TET3: variants seen among roughly 807,000 people sequenced by gnomAD.
The protein encoded by TET3 is methylcytosine dioxygenase TET3.
In TET3, 19 loss-of-function variants were observed where a neutral mutation model predicts 141.4. That is an observed-to-expected ratio of 0.13 (90% confidence interval 0.09 to 0.20). The LOEUF (loss-of-function observed/expected upper bound fraction) is 0.20, where lower values mean the gene tolerates loss of function less well. TET3 is among the 10% of genes least tolerant of loss of function. TET3 has a pLI of 1.00. For synonymous variants in TET3, 1,043 were observed against 980.9 expected, an observed-to-expected ratio of 1.06 and a Z score of -1.18; for missense variants, 1,874 against 2,356.9, an observed-to-expected ratio of 0.80 and a Z score of 4.24.
At chr2:74,095,791 C>T (rs1690790216) in intron 10 of TET3, among the ~76,000 whole-genome samples, 1 of 152,226 alleles carries the variant, frequency 6.6e-6, no homozygotes, top group Admixed American at 6.5e-5. Flanking sequence ...TTCTGTAAAC[C>T]ACAGGGAGAG....
Position 74,102,281 on chromosome 2 carries a change from T to G in TET3, c.*105T>G. On this transcript the variant is annotated 3_prime_UTR_variant, in exon 12 of 12. Transcript: ENST00000409262. ...CGGGTTGGGGGTGCAGAAGTCTTTT[T>G]ATCTCTATATACATATATAGATGCG... 1 of 1,349,250 alleles carries G rather than the reference T, an allele frequency of 7.4e-7. No homozygotes were observed. 83.6% of individuals were successfully genotyped at this position (1,349,250 alleles called of 1,614,324 possible).
At chr2:74,037,177 C>G (rs760164422) in intron 3 of TET3, among the ~76,000 whole-genome samples, 4 of 152,226 alleles carry the variant, frequency 2.6e-5, no homozygotes, top group Non-Finnish European at 5.9e-5. Flanking sequence ...TCTGCAAGAA[C>G]AGGCAGATGT....
At chr2:74,062,590 C>T (rs1374456524) in intron 4 of TET3, among the ~76,000 whole-genome samples, 1 of 152,100 alleles carries the variant, frequency 6.6e-6, no homozygotes, top group African/African-American at 2.4e-5. Flanking sequence ...GTACCGTTAG[C>T]ATTTTTAAAA....
chr2:74,013,876 T>G (rs746640785), intron 3 of TET3, among the ~76,000 whole-genome samples: 3 of 152,190 alleles, frequency 2.0e-5, no homozygotes, highest in Non-Finnish European at 4.4e-5. Flanking sequence ...CTTTCTGATC[T>G]CCCCTCTACT....
intron 4 of TET3, among the ~76,000 whole-genome samples, chr2:74,049,764 T>C (rs1205803049): frequency 6.6e-6 from 1 of 152,102 alleles, no homozygotes; most frequent in Non-Finnish European, 1.5e-5. Context: ...CCCTCCCCGA[T>C]CCTGGGGTAC....
chr2:73,994,559 C>A (rs1684484189), intron 2 of TET3, among the ~76,000 whole-genome samples: 1 of 151,688 alleles, frequency 6.6e-6, no homozygotes, highest in African/African-American at 2.4e-5. Flanking sequence ...GAGGGAGATT[C>A]ACATTTGGTG....
At position 74,087,624 on chromosome 2, in the gene TET3, C is replaced by A. The variant is rs560151884; in HGVS notation, c.2680-206C>A. Among the ~76,000 whole-genome samples, 1 of 152,246 alleles carries A rather than the reference C, an allele frequency of 6.6e-6. No individual in the cohort carries two copies. Among genetic ancestry groups the A allele is most frequent in the East Asian group, 1.9e-4 (1 of 5,194 alleles). ...TAACTTTTATGTTTTTGTTCCCTAA[C>A]AAAACATTTGTTCCTAATAATGTTC... On this transcript the variant is annotated intron_variant, in intron 6 of 11. Transcript: ENST00000409262. This position sits in a 1 kb window ranked among gnomAD's most constrained non-coding sequence, Gnocchi z 4.3.
chr2:74,028,766 T>C (rs576257285), intron 3 of TET3, among the ~76,000 whole-genome samples: 72 of 152,364 alleles, frequency 4.7e-4, no homozygotes, highest in African/African-American at 1.7e-3. Flanking sequence ...GGACTGATAA[T>C]TTTGTAAAAA....
chr2:73,989,794 G>T (rs754277283), intron 2 of TET3, among the ~76,000 whole-genome samples: 11 of 152,198 alleles, frequency 7.2e-5, no homozygotes, highest in Non-Finnish European at 2.9e-5. Context: ...GAAGATGACT[G>T]AGTAGAAAAG....
chr2:74,076,543 T>G (rs1158040740), intron 5 of TET3, among the ~76,000 whole-genome samples: 2 of 150,070 alleles, frequency 1.3e-5, no homozygotes, highest in African/African-American at 4.9e-5. Flanking sequence ...TAACAAGATA[T>G]TCCAGGCTTG....
chr2:74,036,615 C>T (rs1435305013), intron 3 of TET3, among the ~76,000 whole-genome samples: 3 of 152,152 alleles, frequency 2.0e-5, no homozygotes, highest in African/African-American at 7.2e-5. Flanking sequence ...AATTACTTGC[C>T]CTCTCTGTGT....
At chr2:74,024,353 T>C (rs940004353) in intron 3 of TET3, among the ~76,000 whole-genome samples, 2 of 152,238 alleles carry the variant, frequency 1.3e-5, no homozygotes, top group Non-Finnish European at 2.9e-5. Context: ...TGACAGGGGC[T>C]GTCTGTGCCC....
chr2:74,079,450 G>A (rs928953473), intron 5 of TET3, among the ~76,000 whole-genome samples: 13 of 152,206 alleles, frequency 8.5e-5, no homozygotes, highest in African/African-American at 3.1e-4. Flanking sequence ...ACCATTATCT[G>A]CAGGTGATAT....
At chr2:74,075,831 A>G (rs886765925) in intron 5 of TET3, among the ~76,000 whole-genome samples, 3 of 152,192 alleles carry the variant, frequency 2.0e-5, no homozygotes, top group Non-Finnish European at 2.9e-5. Context: ...TTCTGAGTCC[A>G]TGAGCATGAG....
At chr2:74,113,781 C>T in the TET3 span, among the ~76,000 whole-genome samples, 1 of 149,578 alleles carries the variant, frequency 6.7e-6, no homozygotes, top group Non-Finnish European at 1.5e-5. Flanking sequence ...AACTACAAAA[C>T]ACTGATGAAA....
At chr2:74,027,622 A>G (rs539108316) in intron 3 of TET3, among the ~76,000 whole-genome samples, 20 of 152,256 alleles carry the variant, frequency 1.3e-4, no homozygotes, top group African/African-American at 4.6e-4. Context: ...ATGTTATAGT[A>G]TATATCTTTA....
At chr2:73,999,827 T>C (rs1198784295) in intron 2 of TET3, among the ~76,000 whole-genome samples, 1 of 152,146 alleles carries the variant, frequency 6.6e-6, no homozygotes, top group Non-Finnish European at 1.5e-5. Flanking sequence ...AGAGTGGCCC[T>C]GGCATGCACC....
At chr2:74,117,860 C>T in the TET3 span, among the ~76,000 whole-genome samples, 13 of 152,204 alleles carry the variant, frequency 8.5e-5, no homozygotes, top group Non-Finnish European at 5.9e-5. Context: ...ATTCTCCTGC[C>T]TCAGCCTCCT....
At chr2:74,083,807 C>T (rs1377035228) in intron 6 of TET3, among the ~76,000 whole-genome samples, 1 of 152,192 alleles carries the variant, frequency 6.6e-6, no homozygotes, top group East Asian at 1.9e-4. Context: ...GGCATGGCCT[C>T]AGTCACGGCC....
Sources: allele counts gnomAD v4.1 joint callset (sites outside exome capture counted in the v4.1 genomes callset), GRCh38; gene constraint gnomAD v4.1.1; non-coding constraint Gnocchi (gnomAD v3.1); transcripts MANE v1.5; gene names NCBI Gene and HGNC (gene_info 2026-07-23, HGNC 2026-07-21).